Variants in ZSWIM5 observed in about 807,000 individuals in gnomAD.
ZSWIM5 encodes zinc finger SWIM domain-containing protein 5.
ZSWIM5 carries 55 observed loss-of-function variants against 119.6 expected under a neutral mutation model. That is an observed-to-expected ratio of 0.46 (90% CI 0.37 to 0.58). The LOEUF is 0.58. ZSWIM5 is among the 20% of genes least tolerant of loss of function. The pLI, the probability that ZSWIM5 is intolerant of heterozygous loss-of-function variation, is 0.00. For missense variants in ZSWIM5, 1,193 were observed against 1,512.8 expected, an observed-to-expected ratio of 0.79 and a Z score of 3.51; for synonymous variants, 537 against 606.9, an observed-to-expected ratio of 0.88 and a Z score of 1.69.
intron 1 of ZSWIM5, among the ~76,000 whole-genome samples, chr1:45,173,870 A>T (rs1181154082): frequency 5.9e-5 from 9 of 152,208 alleles, no homozygotes; most frequent in Non-Finnish European, 1.5e-5. Context: ...ACCAATAAAG[A>T]CATAATTGCT....
At chr1:45,136,225 A>G (rs1557776765) in intron 1 of ZSWIM5, among the ~76,000 whole-genome samples, 1 of 152,192 alleles carries the variant, frequency 6.6e-6, no homozygotes, top group Non-Finnish European at 1.5e-5. Context: ...TGAAGTTCAC[A>G]ACAGGTCATA....
chr1:45,198,244 A>C (rs1646137834), intron 1 of ZSWIM5, among the ~76,000 whole-genome samples: 1 of 152,230 alleles, frequency 6.6e-6, no homozygotes, highest in Non-Finnish European at 1.5e-5. Context: ...TGGAAATTTT[A>C]AACAAGTAGG....
Position 45,094,460 on chromosome 1 carries a change from T to C in ZSWIM5, c.596-6223A>G, listed in dbSNP as rs1570090604. 4.0e-5 allele frequency among the ~76,000 whole-genome samples: 6 copies of C among 151,464 alleles called. No individual in the cohort carries two copies. The South Asian group carries it at 1.1e-3, about 27-fold the overall frequency. ...AAGCTTGGTTTTTAAAAATCCTTAC[T>C]GGCTGGGTGTGGTGGCTCATGCCTG... is the stretch of plus-strand genomic sequence containing the variant. On this transcript the variant is annotated intron_variant, in intron 1 of 13. Coordinates refer to ENST00000359600, the MANE Select transcript of ZSWIM5 (RefSeq NM_020883.2).
chr1:45,106,037 C>T (rs1204295179), intron 1 of ZSWIM5, among the ~76,000 whole-genome samples: 11 of 144,120 alleles, frequency 7.6e-5, no homozygotes, highest in Non-Finnish European at 1.1e-4. Flanking sequence ...AGGTGAGGAG[C>T]GCCTCTGCCC....
intron 1 of ZSWIM5, 39 bp downstream of exon 1, chr1:45,205,714 AGAG>A (rs765899651): frequency 1.3e-6 from 2 of 1,488,524 alleles, no homozygotes; most frequent in Admixed American, 3.9e-5. Flanking sequence ...CACCCGCGGA[AGAG>A]GAGGCTGAGG....
intron 1 of ZSWIM5, among the ~76,000 whole-genome samples, chr1:45,164,545 G>A (rs1273210424): frequency 6.6e-6 from 1 of 152,060 alleles, no homozygotes; most frequent in East Asian, 1.9e-4. Flanking sequence ...AAAGAGTCAA[G>A]ACCCATCAGT....
intron 1 of ZSWIM5, among the ~76,000 whole-genome samples, chr1:45,157,820 CTA>C (rs1227820132): frequency 6.6e-6 from 1 of 152,082 alleles, no homozygotes; most frequent in Non-Finnish European, 1.5e-5. Flanking sequence ...TCTGAATGCT[CTA>C]TGTCTTGATG....
intron 4 of ZSWIM5, 31 bp downstream of exon 4, chr1:45,058,578 C>A (rs748006649): frequency 8.1e-6 from 13 of 1,613,294 alleles, no homozygotes; most frequent in African/African-American, 1.3e-5. Flanking sequence ...GATGGTAGAA[C>A]AAAGCACTTC....
At chr1:45,053,762 C>CAAAAAAAAAAAAA (rs10675427) in intron 4 of ZSWIM5, among the ~76,000 whole-genome samples, 1 of 92,068 alleles carries the variant, frequency 1.1e-5, no homozygotes, top group Non-Finnish European at 2.0e-5. Flanking sequence ...GACTCTGTTT[C>CAAAAAAAAAAAAA]AAAAAAAAAA....
At chr1:45,061,440 G>A (rs1457782092) in intron 2 of ZSWIM5, among the ~76,000 whole-genome samples, 1 of 150,318 alleles carries the variant, frequency 6.7e-6, no homozygotes, top group African/African-American at 2.5e-5. Context: ...GCACGATCTC[G>A]GCTCACTGCA....
chr1:45,019,176 G>A lies in ZSWIM5; in HGVS notation c.2836C>T (p.Leu946=), dbSNP rs1206105809. Residue 946 remains leucine (L), a synonymous_variant, in exon 14 of 14, where the codon CTG becomes TTG. Coordinates refer to ENST00000359600, the MANE Select transcript of ZSWIM5 (RefSeq NM_020883.2). The surrounding 1 kb of genome is among the most constrained non-coding windows in gnomAD (Gnocchi z 5.0). ...GCCAGTGTGCGAGCACAGCTAGCCA[G>A]TTCCTCCCGCTGTGGATAGTCAAGA... is the stretch of plus-strand genomic sequence containing the variant. The part of the protein sequence containing the change: ...LSLDYPQREE[L]ASCARTLALQ... The A allele has an allele frequency of 1.2e-6, 2 of 1,613,764 alleles. No homozygotes were observed.
At chr1:45,073,588 C>A (rs1346542853) in intron 2 of ZSWIM5, among the ~76,000 whole-genome samples, 2 of 151,638 alleles carry the variant, frequency 1.3e-5, no homozygotes, top group East Asian at 3.9e-4. Flanking sequence ...ATTTTGTATC[C>A]TGCAATTTTA....
chr1:45,165,173 C>T (rs946793693), intron 1 of ZSWIM5, among the ~76,000 whole-genome samples: 2 of 152,060 alleles, frequency 1.3e-5, no homozygotes, highest in East Asian at 1.9e-4. Context: ...CACTCAAAAC[C>T]GCTCGAGTAC....
At chr1:45,148,164 AAC>A (rs1027986699) in intron 1 of ZSWIM5, among the ~76,000 whole-genome samples, 1 of 152,200 alleles carries the variant, frequency 6.6e-6, no homozygotes, top group African/African-American at 2.4e-5. Flanking sequence ...GTAATTTAAA[AAC>A]ACAAAAAAAT....
At chr1:45,056,889 T>C (rs148855020) in intron 4 of ZSWIM5, among the ~76,000 whole-genome samples, 1 of 152,322 alleles carries the variant, frequency 6.6e-6, no homozygotes, top group Non-Finnish European at 1.5e-5. Flanking sequence ...ACTTCATGTG[T>C]GATCGGTCCC....
At chr1:45,075,125 T>A (rs918484145) in intron 2 of ZSWIM5, among the ~76,000 whole-genome samples, 1 of 152,026 alleles carries the variant, frequency 6.6e-6, no homozygotes, top group African/African-American at 2.4e-5. Flanking sequence ...TTTTGTAACT[T>A]AACATGTGGT....
intron 1 of ZSWIM5, among the ~76,000 whole-genome samples, chr1:45,201,610 T>G (rs1646158813): frequency 6.6e-6 from 1 of 152,132 alleles, no homozygotes; most frequent in South Asian, 2.1e-4. Context: ...CTATAATATA[T>G]TTTTAAAATT....
chr1:45,095,131 CTTT>C (rs11354372), intron 1 of ZSWIM5, among the ~76,000 whole-genome samples: 7 of 146,760 alleles, frequency 4.8e-5, no homozygotes, highest in African/African-American at 7.5e-5. Flanking sequence ...CCATAATTAA[CTTT>C]TTTTTTTTTT....
chr1:45,197,465 C>G (rs1646133467), intron 1 of ZSWIM5, among the ~76,000 whole-genome samples: 1 of 152,122 alleles, frequency 6.6e-6, no homozygotes, highest in Non-Finnish European at 1.5e-5. Context: ...GTGTTGCTAG[C>G]CTATCAGTAA....
Sources: allele counts gnomAD v4.1 joint callset (sites outside exome capture counted in the v4.1 genomes callset), GRCh38; gene constraint gnomAD v4.1.1; non-coding constraint Gnocchi (gnomAD v3.1); transcripts MANE v1.5; gene names NCBI Gene and HGNC (gene_info 2026-07-23, HGNC 2026-07-21).